Variants in TSC22D2 observed in about 807,000 individuals in gnomAD.
The protein encoded by TSC22D2 is TSC22 domain family member 2, also known as TSC22 domain family protein 2.
A neutral mutation model predicts 50.1 loss-of-function variants in TSC22D2; 5 were observed. The ratio of observed to expected loss-of-function variants is 0.10; its 90% CI spans 0.05 to 0.21. The LOEUF (loss-of-function observed/expected upper bound fraction) is 0.21. Ranked by LOEUF, TSC22D2 falls within the 10% of genes least tolerant of loss-of-function variation. The pLI is 1.00. For synonymous variants in TSC22D2, 501 were observed against 450.1 expected, an observed-to-expected ratio of 1.11 and a Z score of -1.43; for missense variants, 1,003 against 1,015.5, an observed-to-expected ratio of 0.99 and a Z score of 0.17.
intron 1 of TSC22D2, among the ~76,000 whole-genome samples, chr3:150,426,427 C>T (rs1474297269): frequency 2.6e-5 from 4 of 152,134 alleles, no homozygotes; most frequent in East Asian, 1.9e-4. Flanking sequence ...CACTGGGGAG[C>T]GGCAAGCAGG....
intron 1 of TSC22D2, among the ~76,000 whole-genome samples, chr3:150,420,853 G>A (rs1448093956): frequency 7.2e-5 from 11 of 152,258 alleles, no homozygotes; most frequent in African/African-American, 2.4e-4. Context: ...AGGCCGAGGC[G>A]GGCAGATCAC....
At position 150,409,559 on chromosome 3, in the gene TSC22D2, A is replaced by C; in HGVS notation, c.209A>C (p.Glu70Ala). The change falls in exon 1 of 3, where the codon GAG becomes GCG. Residue 70 changes from glutamate to alanine, a missense_variant. Glu to Ala is a moderately radical substitution (Grantham distance 107, BLOSUM62 -1). Around this residue, in one of 6 missense-constraint regions of TSC22D2, gnomAD observed 200 missense variants for 182.8 expected, o/e 1.09. Coordinates refer to ENST00000688009, the MANE Select transcript of TSC22D2 (RefSeq NM_001303264.2). The surrounding 1 kb of genome is among the most constrained non-coding windows in gnomAD (Gnocchi z 7.4). ...EEVCERSSSEETLNNVGDAET... is the reference protein window; with the variant it reads ...EEVCERSSSEATLNNVGDAET... ...GTCTGCGAGCGCAGCTCTTCCGAAG[A>C]GACGCTTAACAATGTTGGGGATGCG... 6.2e-7 allele frequency: 1 copy of C among 1,602,476 alleles called. No individual in the cohort carries two copies. The highest frequency in any genetic ancestry group is 8.5e-7 in the Non-Finnish European group (1 of 1,170,960).
intron 1 of TSC22D2, among the ~76,000 whole-genome samples, chr3:150,428,604 A>AAC: frequency 6.8e-6 from 1 of 147,190 alleles, no homozygotes; most frequent in Non-Finnish European, 1.5e-5. Context: ...TAAAAAAAAA[A>AAC]AAAAACATAC....
chr3:150,441,719 A>G (rs1312626632), intron 1 of TSC22D2, among the ~76,000 whole-genome samples: 1 of 151,972 alleles, frequency 6.6e-6, no homozygotes, highest in Non-Finnish European at 1.5e-5. Flanking sequence ...GCACCACTCC[A>G]CTCCAGCCTG....
chr3:150,454,622 C>A (rs1450384694), intron 1 of TSC22D2, among the ~76,000 whole-genome samples: 2 of 152,100 alleles, frequency 1.3e-5, no homozygotes, highest in Non-Finnish European at 2.9e-5. Flanking sequence ...AACAAGACCT[C>A]CAGATGATTC....
chr3:150,456,600 A>G (rs1317651519), intron 1 of TSC22D2, among the ~76,000 whole-genome samples: 2 of 148,124 alleles, frequency 1.4e-5, no homozygotes, highest in Non-Finnish European at 3.0e-5. Context: ...CTTATACCAG[A>G]AAAGTCTTAC....
chr3:150,417,670 C>T (rs975929361), intron 1 of TSC22D2, among the ~76,000 whole-genome samples: 1 of 152,068 alleles, frequency 6.6e-6, no homozygotes, highest in African/African-American at 2.4e-5. Context: ...GTAATTTGAA[C>T]AGTCTGTAAC....
Position 150,457,141 on chromosome 3 carries a change from T to G in TSC22D2, c.2010+14T>G. On this transcript the variant is annotated intron_variant, in intron 2 of 2. Coordinates refer to ENST00000688009, the MANE Select transcript of TSC22D2 (RefSeq NM_001303264.2). Reference sequence around the variant, plus strand: ...GAACAAGCAATGGTAAGTAAAAGTTTACAGTTCTCCCATTTCATAGATTGT... The same window carrying G: ...GAACAAGCAATGGTAAGTAAAAGTTGACAGTTCTCCCATTTCATAGATTGT... 1 of 1,608,926 alleles carries G rather than the reference T, an allele frequency of 6.2e-7. No individual in the cohort carries two copies. Among genetic ancestry groups the G allele is most frequent in the Non-Finnish European group, 8.5e-7 (1 of 1,177,938 alleles).
At chr3:150,412,633 C>T (rs115236456) in intron 1 of TSC22D2, among the ~76,000 whole-genome samples, 5,513 of 152,150 alleles carry the variant, frequency 0.036, 335 homozygotes, top group African/African-American at 0.13. Flanking sequence ...TATGGGGAGT[C>T]TTTCTTCACT....
intron 1 of TSC22D2, among the ~76,000 whole-genome samples, chr3:150,435,586 T>C (rs1026848325): frequency 1.4e-4 from 21 of 152,166 alleles, no homozygotes; most frequent in African/African-American, 5.1e-4. Flanking sequence ...GCTATATTAG[T>C]GGGTAGTCTT....
At chr3:150,449,202 G>A (rs555058909) in intron 1 of TSC22D2, among the ~76,000 whole-genome samples, 21 of 152,172 alleles carry the variant, frequency 1.4e-4, no homozygotes, top group Admixed American at 1.3e-3. Context: ...AATAGAGTTG[G>A]CACCTCTTCC....
intron 1 of TSC22D2, among the ~76,000 whole-genome samples, chr3:150,429,109 A>G (rs1218821548): frequency 6.6e-6 from 1 of 152,168 alleles, no homozygotes; most frequent in African/African-American, 2.4e-5. Flanking sequence ...AAGGAATGGA[A>G]GGGTAGTAAA....
chr3:150,444,855 T>G (rs189885524), intron 1 of TSC22D2, among the ~76,000 whole-genome samples: 25 of 152,204 alleles, frequency 1.6e-4, no homozygotes, highest in African/African-American at 6.0e-4. Flanking sequence ...GTGCTATTTT[T>G]TACTTTATGT....
intron 1 of TSC22D2, among the ~76,000 whole-genome samples, chr3:150,431,052 C>G (rs1720361942): frequency 6.6e-6 from 1 of 151,300 alleles, no homozygotes; most frequent in Non-Finnish European, 1.5e-5. Flanking sequence ...AGGTGAAACC[C>G]CATCTCTACT....
chr3:150,438,713 C>G (rs1720625862), intron 1 of TSC22D2, among the ~76,000 whole-genome samples: 1 of 151,944 alleles, frequency 6.6e-6, no homozygotes, highest in Admixed American at 6.6e-5. Context: ...ATATATTCAT[C>G]TTTTCTTTAA....
At chr3:150,432,282 A>T (rs775652735) in intron 1 of TSC22D2, among the ~76,000 whole-genome samples, 56 of 152,162 alleles carry the variant, frequency 3.7e-4, no homozygotes, top group Non-Finnish European at 1.6e-4. Flanking sequence ...TTAATATGTT[A>T]TTTAATAAAT....
chr3:150,434,838 A>G (rs1720485871), intron 1 of TSC22D2, among the ~76,000 whole-genome samples: 1 of 145,994 alleles, frequency 6.8e-6, no homozygotes, highest in African/African-American at 2.5e-5. Context: ...GTATATATGT[A>G]CATATGCTTA....
chr3:150,452,172 G>A (rs1042225320), intron 1 of TSC22D2, among the ~76,000 whole-genome samples: 3 of 152,166 alleles, frequency 2.0e-5, no homozygotes, highest in Admixed American at 6.5e-5. Context: ...AAGGCTGGGC[G>A]TGGTGGCTCA....
Position 150,448,490 on chromosome 3 carries a change from A to G in TSC22D2, c.1959-8586A>G, listed in dbSNP as rs142753644. Among the ~76,000 whole-genome samples, 15 of 152,256 alleles carry G rather than the reference A, an allele frequency of 9.9e-5. No homozygotes were observed. In the East Asian group the frequency reaches 2.9e-3, roughly 29 times the overall value. ...CACAAGACCCCATCTCTATAAAAAC[A>G]ACAACTAGCTAGCACACAAAGTCAA... On this transcript the variant is annotated intron_variant, in intron 1 of 2. Transcript: ENST00000688009.
Sources: allele counts gnomAD v4.1 joint callset (sites outside exome capture counted in the v4.1 genomes callset), GRCh38; gene constraint gnomAD v4.1.1; regional missense constraint gnomAD v4.1.1; non-coding constraint Gnocchi (gnomAD v3.1); transcripts MANE v1.5; gene names NCBI Gene and HGNC (gene_info 2026-07-23, HGNC 2026-07-21).